Variants in PDZRN4 observed in about 807,000 individuals in gnomAD.
PDZRN4 encodes the protein PDZ domain-containing RING finger protein 4.
In PDZRN4, 70 loss-of-function variants were observed where a neutral mutation model predicts 99.0. The observed-to-expected ratio is 0.71, with a 90% CI of 0.58 to 0.86. PDZRN4 has a LOEUF of 0.86. Among genes scored for constraint, PDZRN4 ranks in the 40% least tolerant of loss-of-function variants. The pLI is 0.00. For missense variants in PDZRN4, 1,474 were observed against 1,331.2 expected (o/e 1.11, Z -1.67); for synonymous variants, 551 against 501.6 (o/e 1.10, Z -1.32).
chr12:41,451,811 C>T (rs558811553), intron 3 of PDZRN4, among the ~76,000 whole-genome samples: 18 of 152,292 alleles, frequency 1.2e-4, no homozygotes, highest in South Asian at 8.3e-4. Context: ...GTGCTAATGA[C>T]TGCTCTGGGG....
chr12:41,505,371 C>T lies in PDZRN4; in HGVS notation c.844-1085C>T, dbSNP rs529159378. ...ACCAGCATTATCGATTCATCTGGGG[C>T]GAGAGTCATAAAGCTCTTTCAGGAT... is the stretch of plus-strand genomic sequence containing the variant. On this transcript the variant is annotated intron_variant, in intron 3 of 9. Transcript: ENST00000402685. Among the ~76,000 whole-genome samples the T allele has an allele frequency of 1.4e-4, 22 of 152,144 alleles. No homozygotes were observed. The South Asian group carries it at 3.1e-3, about 22-fold the overall frequency.
chr12:41,317,460 T>G (rs1951646372), intron 3 of PDZRN4, among the ~76,000 whole-genome samples: 1 of 152,076 alleles, frequency 6.6e-6, no homozygotes, highest in African/African-American at 2.4e-5. Flanking sequence ...CTGATTTAAG[T>G]GTTCAGCTCA....
intron 3 of PDZRN4, among the ~76,000 whole-genome samples, chr12:41,196,061 T>C (rs1419315842): frequency 6.6e-6 from 1 of 152,134 alleles, no homozygotes; most frequent in Non-Finnish European, 1.5e-5. Context: ...AGAAAAAGAA[T>C]TTTTTATATT....
chr12:41,436,221 T>G (rs1952628061), intron 3 of PDZRN4, among the ~76,000 whole-genome samples: 3 of 152,206 alleles, frequency 2.0e-5, no homozygotes. Flanking sequence ...TCTCTCAGCT[T>G]GGCTTTCATC....
intron 3 of PDZRN4, among the ~76,000 whole-genome samples, chr12:41,420,943 C>T (rs73276119): frequency 0.018 from 2,764 of 152,202 alleles, 85 homozygotes; most frequent in African/African-American, 0.061. Flanking sequence ...TCGCTATTCA[C>T]GGTACGTCTT....
At chr12:41,305,577 G>T (rs1389181299) in intron 3 of PDZRN4, among the ~76,000 whole-genome samples, 1 of 151,956 alleles carries the variant, frequency 6.6e-6, no homozygotes, top group Non-Finnish European at 1.5e-5. Context: ...AGGGAGAGAG[G>T]TCTCTTCATC....
intron 3 of PDZRN4, among the ~76,000 whole-genome samples, chr12:41,304,579 C>G (rs1437888433): frequency 6.6e-6 from 1 of 152,140 alleles, no homozygotes; most frequent in African/African-American, 2.4e-5. Flanking sequence ...TTCTTCAACG[C>G]CTTCTTAAGA....
At chr12:41,394,539 G>C (rs1384203680) in intron 3 of PDZRN4, among the ~76,000 whole-genome samples, 1 of 152,154 alleles carries the variant, frequency 6.6e-6, no homozygotes, top group African/African-American at 2.4e-5. Context: ...CAGGAATCCA[G>C]CAACATCTTA....
intron 3 of PDZRN4, among the ~76,000 whole-genome samples, chr12:41,236,213 T>C (rs1951065574): frequency 6.6e-6 from 1 of 152,140 alleles, no homozygotes. Context: ...AAGAAAATTA[T>C]CTTATTTGTG....
chr12:41,572,645 G>A lies in PDZRN4; in HGVS notation c.1866G>A (p.Glu622=), dbSNP rs1430102203. The change falls in exon 10 of 10, where the codon GAG becomes GAA. Residue 622 remains glutamate, a synonymous_variant. Transcript: ENST00000402685. ...CAGACTGCATTGGCAACCCAGATGA[G>A]GACTGTGAAAGATTCAGGCAGCTCT... ...IDSDCIGNPD[E]DCERFRQLLE... is the part of the protein sequence containing the mutation. 6.2e-7 allele frequency: 1 copy of A among 1,614,146 alleles called. No homozygotes were observed. The highest frequency in any genetic ancestry group is 8.5e-7 in the Non-Finnish European group (1 of 1,180,022).
chr12:41,313,593 C>T (rs927462687), intron 3 of PDZRN4, among the ~76,000 whole-genome samples: 3 of 152,164 alleles, frequency 2.0e-5, no homozygotes, highest in East Asian at 1.9e-4. Context: ...TAATAGGCAC[C>T]TCTGTTGAGA....
chr12:41,460,565 G>T (rs528907950), intron 3 of PDZRN4, among the ~76,000 whole-genome samples: 1 of 152,244 alleles, frequency 6.6e-6, no homozygotes, highest in African/African-American at 2.4e-5. Flanking sequence ...GAAATAACTG[G>T]CTTAGTCTCC....
intron 3 of PDZRN4, among the ~76,000 whole-genome samples, chr12:41,229,890 AT>A (rs1345990798): frequency 1.3e-5 from 2 of 151,998 alleles, no homozygotes; most frequent in Non-Finnish European, 2.9e-5. Flanking sequence ...AACTGTATAT[AT>A]TTTTTTAAAT....
At chr12:41,467,045 C>A (rs201263671) in intron 3 of PDZRN4, among the ~76,000 whole-genome samples, 2 of 152,206 alleles carry the variant, frequency 1.3e-5, no homozygotes, top group Admixed American at 1.3e-4. Flanking sequence ...TGATAAGGAA[C>A]ACAATGAATA....
intron 3 of PDZRN4, among the ~76,000 whole-genome samples, chr12:41,278,128 C>G (rs1404846230): frequency 6.6e-6 from 1 of 152,148 alleles, no homozygotes; most frequent in African/African-American, 2.4e-5. Flanking sequence ...TGGCTGTACT[C>G]AAAATTCAAA....
intron 3 of PDZRN4, among the ~76,000 whole-genome samples, chr12:41,500,198 G>A (rs1938085807): frequency 6.6e-6 from 1 of 151,902 alleles, no homozygotes; most frequent in Non-Finnish European, 1.5e-5. Flanking sequence ...GACTACTGGA[G>A]GTTCAGGCTG....
chr12:41,297,426 C>T (rs929494537), intron 3 of PDZRN4, among the ~76,000 whole-genome samples: 3 of 152,242 alleles, frequency 2.0e-5, no homozygotes, highest in African/African-American at 4.8e-5. Flanking sequence ...CTGTCCCTGA[C>T]CCCAGCTTCA....
intron 3 of PDZRN4, among the ~76,000 whole-genome samples, chr12:41,431,815 T>A (rs2120440624): frequency 6.6e-6 from 1 of 152,324 alleles, no homozygotes; most frequent in African/African-American, 2.4e-5. Context: ...TACACATTGA[T>A]CTGTTGAGCT....
intron 3 of PDZRN4, among the ~76,000 whole-genome samples, chr12:41,455,454 A>T (rs1327199531): frequency 6.6e-6 from 1 of 152,232 alleles, no homozygotes; most frequent in Admixed American, 6.5e-5. Context: ...TTTAATTCAA[A>T]TACAAAGAGT....
Sources: gnomAD v4.1 joint callset for allele counts (sites outside exome capture counted in the v4.1 genomes callset) on GRCh38, gnomAD v4.1.1 for gene constraint, MANE v1.5 for transcripts, NCBI Gene and HGNC (gene_info 2026-07-23, HGNC 2026-07-21) for gene names.